The following METAP1 variants were observed in gnomAD, a reference collection of about 807,000 sequenced individuals.
METAP1 encodes methionine aminopeptidase 1.
Under a neutral mutation model 53.8 loss-of-function variants are expected in METAP1, and 28 were observed. The observed-to-expected ratio is 0.52, with a 90% CI of 0.39 to 0.71. The LOEUF (loss-of-function observed/expected upper bound fraction) is 0.71, where lower values mean the gene tolerates loss of function less well. Ranked by LOEUF, METAP1 falls within the 30% of genes least tolerant of loss-of-function variation. METAP1 has a pLI of 0.00. For synonymous variants in METAP1, 181 were observed against 165.7 expected (o/e 1.09, Z -0.71); for missense variants, 389 against 479.8 (o/e 0.81, Z 1.77).
intron 1 of METAP1, among the ~76,000 whole-genome samples, chr4:98,996,855 G>C (rs982401974): frequency 6.6e-6 from 1 of 152,200 alleles, no homozygotes; most frequent in South Asian, 2.1e-4. Flanking sequence ...AATTGGTAGC[G>C]TCCTGTGGGG....
At chr4:99,022,564 A>G (rs1274794103) in intron 1 of METAP1, 1 of 645,474 alleles carries the variant, frequency 1.5e-6, no homozygotes, top group Middle Eastern at 2.6e-4. Context: ...TCCCCATTCC[A>G]CACTTTGAAG....
At chr4:99,008,428 TA>T (rs1431188026) in intron 1 of METAP1, among the ~76,000 whole-genome samples, 4 of 152,220 alleles carry the variant, frequency 2.6e-5, no homozygotes, top group African/African-American at 9.6e-5. Flanking sequence ...TATATTGTTA[TA>T]AAAAGGAGTA....
At position 99,006,864 on chromosome 4, in the gene METAP1, TTAAC is replaced by T. The variant is rs1290474047; in HGVS notation, c.114+10999_114+11002del. The stretch of plus-strand genomic sequence containing the variant: ...CTTGTAGAATGTTACACATTTTTGA[TTAAC>T]TGTTTCCTCAAAGTGTCTTTAAGTT... On this transcript the variant is annotated intron_variant, in intron 1 of 10. Coordinates refer to ENST00000296411, the MANE Select transcript of METAP1 (RefSeq NM_015143.3). Among the ~76,000 whole-genome samples the T allele has an allele frequency of 1.2e-4, 18 of 152,346 alleles. No homozygotes were observed. The South Asian group carries it at 3.5e-3, about 30-fold the overall frequency.
At chr4:99,023,835 G>GAGCT in intron 1 of METAP1, 1 of 933,644 alleles carries the variant, frequency 1.1e-6, no homozygotes, top group Non-Finnish European at 1.3e-6. Flanking sequence ...TGCCTAGACA[G>GAGCT]AGCTGATTAT....
intron 1 of METAP1, among the ~76,000 whole-genome samples, chr4:99,025,993 T>C (rs1724534434): frequency 6.6e-6 from 1 of 152,222 alleles, no homozygotes; most frequent in Non-Finnish European, 1.5e-5. Flanking sequence ...TTTTGAGTTG[T>C]CCCACCCTTC....
At chr4:99,022,789 C>G (rs1317518142) in intron 1 of METAP1, 12 of 1,599,872 alleles carry the variant, frequency 7.5e-6, no homozygotes, top group Middle Eastern at 1.7e-4. Flanking sequence ...TGGCTATGCG[C>G]TTGTCACGGA....
chr4:99,044,431 T>C (rs1055692357), intron 7 of METAP1, among the ~76,000 whole-genome samples: 7 of 152,196 alleles, frequency 4.6e-5, no homozygotes, highest in Non-Finnish European at 8.8e-5. Context: ...TTAGGGTATC[T>C]GTTCATAAAG....
intron 2 of METAP1, among the ~76,000 whole-genome samples, chr4:99,031,116 T>TC (rs1296379953): frequency 6.7e-6 from 1 of 149,874 alleles, no homozygotes; most frequent in Non-Finnish European, 1.5e-5. Flanking sequence ...TTTTTTTTTT[T>TC]TTTTTTTTAC....
intron 10 of METAP1, among the ~76,000 whole-genome samples, chr4:99,058,876 A>T (rs1456096628): frequency 6.6e-6 from 1 of 152,174 alleles, no homozygotes; most frequent in Non-Finnish European, 1.5e-5. Flanking sequence ...TCTTGCCAAC[A>T]CCCAGGGCTG....
intron 1 of METAP1, among the ~76,000 whole-genome samples, chr4:99,020,242 C>A (rs1724014269): frequency 6.6e-6 from 1 of 152,168 alleles, no homozygotes; most frequent in Non-Finnish European, 1.5e-5. Flanking sequence ...GCTACTCTCT[C>A]TGGGTCATCT....
rs114458708 is a variant in METAP1, at chr4:99,011,371, G to T, written c.114+15504G>T. Among the ~76,000 whole-genome samples, 1,096 of 152,280 alleles carry T rather than the reference G, an allele frequency of 7.2e-3. 9 individuals are homozygous for T. The highest frequency in any genetic ancestry group is 0.025 in the African/African-American group (1,037 of 41,556). On this transcript the variant is annotated intron_variant, in intron 1 of 10. Coordinates refer to ENST00000296411, the MANE Select transcript of METAP1 (RefSeq NM_015143.3). ...TGTTGAGTGTCTTTATTTTGAAGGA[G>T]TATCAGATCTTGTCAGATGGTTTTT... is the stretch of plus-strand genomic sequence containing the variant.
chr4:99,038,202 A>G (rs1455229340), intron 4 of METAP1, among the ~76,000 whole-genome samples: 2 of 152,042 alleles, frequency 1.3e-5, no homozygotes, highest in Non-Finnish European at 2.9e-5. Context: ...CTTCTGTTCT[A>G]GAGATACATA....
chr4:99,024,746 T>C (rs1429603374), intron 1 of METAP1, among the ~76,000 whole-genome samples: 2 of 152,254 alleles, frequency 1.3e-5, no homozygotes, highest in Non-Finnish European at 2.9e-5. Context: ...TTTTGGCTAA[T>C]TTGTTAGTCC....
intron 8 of METAP1, among the ~76,000 whole-genome samples, chr4:99,046,936 C>CAAAAAAAAAAAAAAAAA (rs56702946): frequency 9.7e-5 from 8 of 82,206 alleles, no homozygotes; most frequent in East Asian, 3.6e-4. Context: ...ACTGAAGAAA[C>CAAAAAAAAAAAAAAAAA]AAAAAAAAAA....
At chr4:99,058,124 G>A (rs982310409) in intron 10 of METAP1, among the ~76,000 whole-genome samples, 4 of 152,156 alleles carry the variant, frequency 2.6e-5, no homozygotes, top group Admixed American at 2.0e-4. Context: ...CTGTGCGGAC[G>A]TTCTTGCTTG....
intron 1 of METAP1, among the ~76,000 whole-genome samples, chr4:99,012,086 A>C (rs933675751): frequency 4.6e-5 from 7 of 152,148 alleles, no homozygotes; most frequent in African/African-American, 1.4e-4. Context: ...TTTTGGGTAA[A>C]GATGGGGTCT....
chr4:98,995,989 G>C, intron 1 of METAP1, 122 bp downstream of exon 1: 1 of 781,532 alleles, frequency 1.3e-6, no homozygotes, highest in Non-Finnish European at 2.1e-6. Context: ...CCCCGGCCGC[G>C]TTTCCTCCTC....
Position 99,023,067 on chromosome 4 carries a change from T to C in METAP1, c.115-5800T>C, listed in dbSNP as rs373329247. 1.9e-3 allele frequency: 2,542 copies of C among 1,335,058 alleles called. 6 individuals carry two copies. Among genetic ancestry groups the C allele is most frequent in the Non-Finnish European group, 2.3e-3 (2,261 of 977,156 alleles). 82.7% of individuals were successfully genotyped at this position (1,335,058 alleles called of 1,614,324 possible). ...CCTCCTGCTCCTCCTCCACATCTAG[T>C]GTCTGGTCTGTCCCTTCCAGCGCCT... On this transcript the variant is annotated intron_variant, in intron 1 of 10. Coordinates refer to ENST00000296411, the MANE Select transcript of METAP1 (RefSeq NM_015143.3).
intron 9 of METAP1, among the ~76,000 whole-genome samples, chr4:99,050,965 A>G (rs1726652714): frequency 6.6e-6 from 1 of 152,200 alleles, no homozygotes; most frequent in Non-Finnish European, 1.5e-5. Flanking sequence ...AATTCTTTTT[A>G]TTTAAAATGT....
Sources: gnomAD v4.1 joint callset for allele counts (sites outside exome capture counted in the v4.1 genomes callset) on GRCh38, gnomAD v4.1.1 for gene constraint, MANE v1.5 for transcripts, NCBI Gene and HGNC (gene_info 2026-07-23, HGNC 2026-07-21) for gene names.